Variants in HPCAL1 observed in about 807,000 individuals in gnomAD.
The protein encoded by HPCAL1 is hippocalcin like 1.
HPCAL1 carries 8 observed loss-of-function variants against 17.1 expected under a neutral mutation model. The ratio of observed to expected loss-of-function variants is 0.47; its 90% confidence interval spans 0.27 to 0.84. HPCAL1 has a LOEUF of 0.84. HPCAL1 is among the 40% of genes least tolerant of loss of function. HPCAL1 has a pLI of 0.13. For synonymous variants in HPCAL1, 112 were observed against 111.4 expected (o/e 1.01, Z -0.03); for missense variants, 165 against 271.1 (o/e 0.61, Z 2.75).
At chr2:10,325,609 G>A (rs1006709755) in intron 1 of HPCAL1, among the ~76,000 whole-genome samples, 4 of 152,216 alleles carry the variant, frequency 2.6e-5, no homozygotes, top group African/African-American at 9.6e-5. Context: ...GCCCTGGAGG[G>A]CGGTTTCCCT....
intron 2 of HPCAL1, among the ~76,000 whole-genome samples, chr2:10,400,404 C>T (rs1339854456): frequency 6.6e-6 from 1 of 152,206 alleles, no homozygotes; most frequent in Non-Finnish European, 1.5e-5. Flanking sequence ...GCCAACAATT[C>T]TTCTGGAAGA....
chr2:10,375,760 A>G (rs1290614304), intron 1 of HPCAL1, among the ~76,000 whole-genome samples: 3 of 152,196 alleles, frequency 2.0e-5, no homozygotes, highest in Non-Finnish European at 4.4e-5. Context: ...CAGCCCCATG[A>G]CAGCCCCTTA....
chr2:10,398,096 G>T (rs1440531159), intron 2 of HPCAL1, among the ~76,000 whole-genome samples: 1 of 152,076 alleles, frequency 6.6e-6, no homozygotes, highest in Non-Finnish European at 1.5e-5. Context: ...TCACCACCCT[G>T]CCCCACCTGC....
At chr2:10,348,431 A>G (rs1313430814) in intron 1 of HPCAL1, among the ~76,000 whole-genome samples, 2 of 152,100 alleles carry the variant, frequency 1.3e-5, no homozygotes, top group African/African-American at 4.8e-5. Flanking sequence ...CCTGCACGAC[A>G]GAGCAAGACT....
intron 1 of HPCAL1, among the ~76,000 whole-genome samples, chr2:10,372,369 C>T (rs1404915853): frequency 6.6e-6 from 1 of 152,168 alleles, no homozygotes; most frequent in Non-Finnish European, 1.5e-5. Context: ...TACAAAGCAC[C>T]TATTATGTCC....
chr2:10,380,829 C>T (rs1285383888), intron 1 of HPCAL1, among the ~76,000 whole-genome samples: 1 of 152,228 alleles, frequency 6.6e-6, no homozygotes, highest in Non-Finnish European at 1.5e-5. Flanking sequence ...ATCTCCTGGG[C>T]ACTTATCACA....
chr2:10,417,707 G>A (rs1278879125), intron 2 of HPCAL1, among the ~76,000 whole-genome samples: 1 of 152,134 alleles, frequency 6.6e-6, no homozygotes, highest in African/African-American at 2.4e-5. Context: ...GCTGGGTCAA[G>A]GTGAATGTGT....
chr2:10,409,212 A>T (rs908309096), intron 2 of HPCAL1, among the ~76,000 whole-genome samples: 4 of 152,212 alleles, frequency 2.6e-5, no homozygotes, highest in African/African-American at 9.7e-5. Context: ...ATAGTGGACA[A>T]AGCAGCCCTA....
chr2:10,360,417 CT>C (rs112033400), intron 1 of HPCAL1, among the ~76,000 whole-genome samples: 187 of 147,544 alleles, frequency 1.3e-3, no homozygotes, highest in African/African-American at 2.7e-3. Context: ...TTAACTGAAT[CT>C]TTTTTTTTTT....
rs530619525 is a variant in HPCAL1, at chr2:10,363,227, C to T, written c.-110-33608C>T. Among the ~76,000 whole-genome samples the T allele has an allele frequency of 1.7e-3, 253 of 152,248 alleles. No homozygotes were observed. Among genetic ancestry groups the T allele is most frequent in the African/African-American group, 5.8e-3 (242 of 41,542 alleles). On this transcript the variant is annotated intron_variant, in intron 1 of 4. Coordinates refer to ENST00000307845, the MANE Select transcript of HPCAL1 (RefSeq NM_002149.4). The surrounding 1 kb of genome is among the most constrained non-coding windows in gnomAD (Gnocchi z 4.7). Reference sequence around the variant, plus strand: ...GGAGGGTTGTTATTTTTTGTAAATGCATTAGGGGCGGAGTGGTGGGAGAGT... The same window carrying T: ...GGAGGGTTGTTATTTTTTGTAAATGTATTAGGGGCGGAGTGGTGGGAGAGT...
intron 1 of HPCAL1, among the ~76,000 whole-genome samples, chr2:10,383,445 C>T (rs1668098120): frequency 6.6e-6 from 1 of 152,130 alleles, no homozygotes; most frequent in African/African-American, 2.4e-5. Flanking sequence ...TCACTGCAAC[C>T]TCCACCTCCC....
chr2:10,319,738 TTCATTCAC>T (rs990489161), intron 1 of HPCAL1, among the ~76,000 whole-genome samples: 2 of 151,922 alleles, frequency 1.3e-5, no homozygotes, highest in South Asian at 2.1e-4. Context: ...CTCCCATTCA[TTCATTCAC>T]TCATTCACTC....
At chr2:10,337,536 G>C (rs566397766) in intron 1 of HPCAL1, among the ~76,000 whole-genome samples, 1 of 151,946 alleles carries the variant, frequency 6.6e-6, no homozygotes, top group South Asian at 2.1e-4. Context: ...TTATTTCCAC[G>C]TTTTATTTAC....
intron 1 of HPCAL1, among the ~76,000 whole-genome samples, chr2:10,307,678 C>A (rs1259117586): frequency 6.6e-6 from 1 of 152,200 alleles, no homozygotes; most frequent in Non-Finnish European, 1.5e-5. Context: ...CACTTGAAAT[C>A]TCTGGAGAGT....
In HPCAL1 at chr2:10,420,048, G is replaced by A. The variant is rs1277000382; in HGVS notation, c.291G>A (p.Leu97=). The A allele has an allele frequency of 6.2e-7, 1 of 1,613,790 alleles. No individual in the cohort carries two copies. The highest frequency in any genetic ancestry group is 2.2e-5 in the East Asian group (1 of 44,894). ...IALSVTSRGK[L]EQKLKWAFSM... ...TGAGCGTGACCTCGCGGGGCAAGCT[G>A]GAGCAGAAGCTCAAGTGGGCCTTCA... Residue 97 remains leucine, a synonymous_variant, in exon 3 of 5, where the codon CTG becomes CTA. Transcript: ENST00000307845.
intron 1 of HPCAL1, among the ~76,000 whole-genome samples, chr2:10,321,312 C>T (rs1037847513): frequency 1.3e-5 from 2 of 152,110 alleles, no homozygotes; most frequent in Non-Finnish European, 2.9e-5. Flanking sequence ...AATCCACCCA[C>T]ATGATCCAGT....
chr2:10,380,843 C>T (rs917048568), intron 1 of HPCAL1, among the ~76,000 whole-genome samples: 5 of 152,212 alleles, frequency 3.3e-5, no homozygotes, highest in African/African-American at 9.7e-5. Context: ...TATCACACTG[C>T]GGGTTCCTTG....
At chr2:10,383,422 G>A (rs1311725392) in intron 1 of HPCAL1, among the ~76,000 whole-genome samples, 1 of 151,994 alleles carries the variant, frequency 6.6e-6, no homozygotes, top group Non-Finnish European at 1.5e-5. Context: ...GAGTGCAGTG[G>A]CACGATCTCG....
chr2:10,309,147 G>T (rs1199625190), intron 1 of HPCAL1, among the ~76,000 whole-genome samples: 1 of 152,028 alleles, frequency 6.6e-6, no homozygotes, highest in Admixed American at 6.5e-5. Flanking sequence ...CAATCCCCCT[G>T]CCATAGTCTC....
Sources: allele counts gnomAD v4.1 joint callset (sites outside exome capture counted in the v4.1 genomes callset), GRCh38; gene constraint gnomAD v4.1.1; non-coding constraint Gnocchi (gnomAD v3.1); transcripts MANE v1.5; gene names NCBI Gene and HGNC (gene_info 2026-07-23, HGNC 2026-07-21).